ZMAT3: variants seen among roughly 807,000 people sequenced by gnomAD.
The protein encoded by ZMAT3 is zinc finger matrin-type protein 3.
Under a neutral mutation model 32.3 loss-of-function variants are expected in ZMAT3, and 17 were observed. The observed-to-expected ratio is 0.53, with a 90% CI of 0.36 to 0.79. The LOEUF is 0.79. ZMAT3 is among the 30% of genes least tolerant of loss of function. ZMAT3 has a pLI of 0.00. For synonymous variants in ZMAT3, 120 were observed against 133.1 expected (o/e 0.90, Z 0.68); for missense variants, 329 against 359.7 (o/e 0.91, Z 0.69).
intron 2 of ZMAT3, among the ~76,000 whole-genome samples, chr3:179,033,514 AAGG>A: frequency 6.8e-6 from 1 of 147,028 alleles, no homozygotes; most frequent in African/African-American, 2.5e-5. Flanking sequence ...TTTTAAAAAA[AAGG>A]AAAGAAAGAA....
rs1179564920 is a variant in ZMAT3 at position 179,018,985 on chromosome 3, T to C, written c.*6032A>G. ...TACCTTCTGGTAGAGCAGCTGAAAG[T>C]AGTGAAAGGAGAAGTGACAAGAGGG... is the stretch of plus-strand genomic sequence containing the variant. On this transcript the variant is annotated 3_prime_UTR_variant, in exon 6 of 6. Transcript: ENST00000311417. The C allele has an allele frequency of 6.6e-6, 1 of 152,020 alleles. No individual in the cohort carries two copies. Among genetic ancestry groups the C allele is most frequent in the Non-Finnish European group, 1.5e-5 (1 of 67,980 alleles). The allele number at this position is 152,020 out of a possible 1,614,324, so 9.4% of individuals were successfully genotyped here.
At chr3:179,037,557 G>T (rs1434941382) in intron 2 of ZMAT3, among the ~76,000 whole-genome samples, 5 of 152,128 alleles carry the variant, frequency 3.3e-5, no homozygotes, top group African/African-American at 1.2e-4. Context: ...GTGGAATGAG[G>T]CCCCAGGCAG....
intron 2 of ZMAT3, among the ~76,000 whole-genome samples, chr3:179,058,958 C>T (rs1358579951): frequency 2.6e-5 from 4 of 152,028 alleles, no homozygotes; most frequent in South Asian, 4.1e-4. Flanking sequence ...AGTATACCTA[C>T]CTAGTCCTCC....
rs548303461 is a variant in ZMAT3, at chr3:179,017,638, C to A, written c.*7379G>T. 6.6e-6 allele frequency: 1 copy of A among 152,260 alleles called. No individual in the cohort carries two copies. The highest frequency in any genetic ancestry group is 2.4e-5 in the African/African-American group (1 of 41,550). The allele number at this position is 152,260 out of a possible 1,614,324, so 9.4% of individuals were successfully genotyped here. Reference sequence around the variant, plus strand: ...GACATTTTTTAGCTATATCCTTTATCAAAGATAGTTCTAGTGAAATAGCAA... The same window carrying A: ...GACATTTTTTAGCTATATCCTTTATAAAAGATAGTTCTAGTGAAATAGCAA... On this transcript the variant is annotated 3_prime_UTR_variant, in exon 6 of 6. Transcript: ENST00000311417.
chr3:179,019,794 T>C lies in ZMAT3; in HGVS notation c.*5223A>G, dbSNP rs1718453771. 6.6e-6 allele frequency: 1 copy of C among 152,172 alleles called. No individual in the cohort carries two copies. The highest frequency in any genetic ancestry group is 1.5e-5 in the Non-Finnish European group (1 of 68,008). The allele number at this position is 152,172 out of a possible 1,614,324, so 9.4% of individuals were successfully genotyped here. The stretch of plus-strand genomic sequence containing the variant: ...ACACAATTAATAATTATTGTGCCAG[T>C]CTCTTCGCTTTAGCTGCAAATACAT... On this transcript the variant is annotated 3_prime_UTR_variant, in exon 6 of 6. Coordinates refer to ENST00000311417, the MANE Select transcript of ZMAT3 (RefSeq NM_022470.4).
At position 179,024,968 on chromosome 3, in the gene ZMAT3, A is replaced by C. The variant is rs773173309; in HGVS notation, c.*49T>G. The C allele has an allele frequency of 1.3e-6, 2 of 1,588,078 alleles. No individual in the cohort carries two copies. Among genetic ancestry groups the C allele is most frequent in the Middle Eastern group, 1.7e-4 (1 of 5,974 alleles). ...ACCACAAAGCAGGGCAAGTTGACAA[A>C]AGGCAAACAACAGGCAGGAAAAGCT... On this transcript the variant is annotated 3_prime_UTR_variant, in exon 6 of 6. Transcript: ENST00000311417.
chr3:179,072,238 C>A (rs557998389), upstream of ZMAT3: 3 of 152,550 alleles, frequency 2.0e-5, no homozygotes, highest in Non-Finnish European at 4.4e-5. Flanking sequence ...TGCAACAGAA[C>A]CTTTAAACTG....
chr3:179,046,954 G>C lies in ZMAT3; in HGVS notation c.271-15955C>G, dbSNP rs537356696. 1.9e-3 allele frequency among the ~76,000 whole-genome samples: 289 copies of C among 152,196 alleles called. 1 individual carries two copies. The highest frequency in any genetic ancestry group is 3.1e-3 in the Non-Finnish European group (211 of 68,006). On this transcript the variant is annotated intron_variant, in intron 2 of 5. Transcript: ENST00000311417. This position sits in a 1 kb window ranked among gnomAD's most constrained non-coding sequence, Gnocchi z 4.3. ...CGAAGACAAAGGACATAAGCTCTTG[G>C]GAGCTCTGGGGCCCCACCCACCGCA...
At chr3:179,063,961 T>G (rs1330610187) in intron 2 of ZMAT3, among the ~76,000 whole-genome samples, 2 of 152,348 alleles carry the variant, frequency 1.3e-5, no homozygotes, top group East Asian at 3.9e-4. Flanking sequence ...ACTGCTAAGG[T>G]AGCCCCAGCT....
intron 2 of ZMAT3, among the ~76,000 whole-genome samples, chr3:179,032,024 C>T (rs1576842000): frequency 1.4e-4 from 4 of 28,900 alleles, no homozygotes; most frequent in African/African-American, 3.0e-4. Flanking sequence ...CCTCCCCCTC[C>T]CCCTCCACAC....
rs888290759 is a variant in ZMAT3 at position 179,071,597 on chromosome 3, G to A, written c.-60C>T. ...GGCTCCCAATCGCCCGCACTTACCG[G>A]AACCCCCGGGACGCGCCGGCAGTCT... On this transcript the variant is annotated splice_region_variant and 5_prime_UTR_variant, in exon 1 of 6. Transcript: ENST00000311417. The A allele has an allele frequency of 2.0e-5, 3 of 152,078 alleles. No individual in the cohort carries two copies. Among genetic ancestry groups the A allele is most frequent in the African/African-American group, 7.2e-5 (3 of 41,422 alleles). 9.4% of individuals were successfully genotyped at this position (152,078 alleles called of 1,614,324 possible).
At chr3:179,070,444 G>T (rs1231362628) in intron 1 of ZMAT3, among the ~76,000 whole-genome samples, 3 of 152,076 alleles carry the variant, frequency 2.0e-5, no homozygotes, top group Admixed American at 6.5e-5. Context: ...TTTATTTCTT[G>T]TTATATTTAA....
intron 2 of ZMAT3, among the ~76,000 whole-genome samples, chr3:179,040,577 A>C (rs1719863640): frequency 8.7e-6 from 1 of 114,792 alleles, no homozygotes; most frequent in Non-Finnish European, 1.8e-5. Context: ...GAGTTCCTGA[A>C]GGAAGCACTA....
chr3:179,026,285 T>TA (rs2108534372), intron 5 of ZMAT3, among the ~76,000 whole-genome samples: 1 of 152,106 alleles, frequency 6.6e-6, no homozygotes, highest in South Asian at 2.1e-4. Flanking sequence ...TGGATTTCTT[T>TA]CATCCAATTT....
intron 1 of ZMAT3, 55 bp downstream of exon 1, chr3:179,071,539 CG>C (rs1196697808): frequency 6.6e-6 from 1 of 152,244 alleles, no homozygotes; most frequent in Non-Finnish European, 1.5e-5. Flanking sequence ...CGCTAGTCCC[CG>C]GCGCTCCAGG....
intron 2 of ZMAT3, among the ~76,000 whole-genome samples, chr3:179,059,971 T>C (rs1232410954): frequency 6.6e-6 from 1 of 152,082 alleles, no homozygotes; most frequent in African/African-American, 2.4e-5. Flanking sequence ...AAATGCTAAT[T>C]AGGCAAAACA....
chr3:179,028,555 G>A (rs990980730), intron 3 of ZMAT3, among the ~76,000 whole-genome samples: 4 of 152,226 alleles, frequency 2.6e-5, no homozygotes, highest in Admixed American at 2.6e-4. Context: ...TTTTTCTGGG[G>A]TATGCTCTGA....
chr3:179,028,690 A>G (rs1719016391), intron 3 of ZMAT3, among the ~76,000 whole-genome samples: 1 of 152,230 alleles, frequency 6.6e-6, no homozygotes, highest in Admixed American at 6.5e-5. Context: ...CAGCTTGAAG[A>G]TCTCTCTGGG....
chr3:179,032,886 G>C (rs1001880048), intron 2 of ZMAT3, among the ~76,000 whole-genome samples: 3 of 149,872 alleles, frequency 2.0e-5, no homozygotes, highest in Admixed American at 2.0e-4. Context: ...CCCCCGCCCG[G>C]CCGCTACACC....
Sources: allele counts gnomAD v4.1 joint callset (sites outside exome capture counted in the v4.1 genomes callset), GRCh38; gene constraint gnomAD v4.1.1; non-coding constraint Gnocchi (gnomAD v3.1); transcripts MANE v1.5; gene names NCBI Gene and HGNC (gene_info 2026-07-23, HGNC 2026-07-21).